Variants in ARAP2 observed in about 807,000 individuals in gnomAD.
The protein encoded by ARAP2 is arf-GAP with Rho-GAP domain, ANK repeat and PH domain-containing protein 2.
A neutral mutation model predicts 194.5 loss-of-function variants in ARAP2; 148 were observed. The ratio of observed to expected loss-of-function variants is 0.76; its 90% CI spans 0.67 to 0.87. ARAP2 has a LOEUF of 0.87. Among genes scored for constraint, ARAP2 ranks in the 40% least tolerant of loss-of-function variants. ARAP2 has a pLI of 0.00. For missense variants in ARAP2, 2,128 were observed against 1,989.7 expected, an observed-to-expected ratio of 1.07 and a Z score of -1.32; for synonymous variants, 695 against 683.5, an observed-to-expected ratio of 1.02 and a Z score of -0.26.
At position 36,141,264 on chromosome 4, in the gene ARAP2, G is replaced by A. The variant is rs58473101; in HGVS notation, c.3263+6032C>T. 4.2e-4 allele frequency among the ~76,000 whole-genome samples: 64 copies of A among 151,460 alleles called. No homozygotes were observed. In the South Asian group the frequency reaches 0.013, roughly 31 times the overall value. The stretch of plus-strand genomic sequence containing the variant: ...TTTTTATTTGCACAAACAGTACTAA[G>A]GTCTAAAAGAAAAGCACAGGATCTA... On this transcript the variant is annotated intron_variant, in intron 19 of 32. Coordinates refer to ENST00000303965, the MANE Select transcript of ARAP2 (RefSeq NM_015230.4).
At chr4:36,032,188 T>G (rs1214968600) in intron 5 of ARAP2, among the ~76,000 whole-genome samples, 1 of 152,154 alleles carries the variant, frequency 6.6e-6, no homozygotes, top group Non-Finnish European at 1.5e-5. Context: ...GGCTAGGGGA[T>G]AGTTACTAAA....
At chr4:36,123,458 C>A (rs1048142977) in intron 22 of ARAP2, among the ~76,000 whole-genome samples, 2 of 151,708 alleles carry the variant, frequency 1.3e-5, no homozygotes, top group East Asian at 3.9e-4. Context: ...GTACTTTTCA[C>A]CTCTCTTGTC....
rs183534670 is a variant in ARAP2, at chr4:36,226,511, C to A, written c.905+2071G>T. ...TGTTAAAAAAACGTATCTTTTAAGC[C>A]CCCCCCCACATAATTTAGTTGGTTT... On this transcript the variant is annotated intron_variant, in intron 2 of 32. Coordinates refer to ENST00000303965, the MANE Select transcript of ARAP2 (RefSeq NM_015230.4). 1.0e-4 allele frequency among the ~76,000 whole-genome samples: 15 copies of A among 150,474 alleles called. No homozygotes were observed. In the South Asian group the frequency reaches 1.3e-3, roughly 13 times the overall value.
chr4:36,237,376 T>G (rs1752644268), intron 1 of ARAP2, among the ~76,000 whole-genome samples: 1 of 152,224 alleles, frequency 6.6e-6, no homozygotes, highest in South Asian at 2.1e-4. Context: ...TTTGGATGTT[T>G]TGTCCCCTCC....
At chr4:36,226,514 C>T (rs538844831) in intron 2 of ARAP2, among the ~76,000 whole-genome samples, 1 of 151,818 alleles carries the variant, frequency 6.6e-6, no homozygotes, top group Non-Finnish European at 1.5e-5. Flanking sequence ...TTTAAGCCCC[C>T]CCCCACATAA....
At chr4:36,014,857 A>G (rs1715498036) in intron 8 of ARAP2, among the ~76,000 whole-genome samples, 1 of 152,116 alleles carries the variant, frequency 6.6e-6, no homozygotes, top group Non-Finnish European at 1.5e-5. Context: ...AGAGAGACTC[A>G]TCTCTCTCCC....
chr4:36,160,621 G>A lies in ARAP2; in HGVS notation c.2280C>T (p.Asn760=), dbSNP rs1733682161. ...CAGCCCAAAAGTCATTTGCTCTTTT[G>A]TTTCCAATGACAATAAAAAGCTGAA... ...ELIELFIVIG[N]KRANDFWAGN... is the part of the protein sequence containing the mutation. The change falls in exon 13 of 33, where the codon AAC becomes AAT. Residue 760 remains asparagine, a synonymous_variant. Coordinates refer to ENST00000303965, the MANE Select transcript of ARAP2 (RefSeq NM_015230.4). 1.4e-6 allele frequency: 2 copies of A among 1,459,514 alleles called. No homozygotes were observed. The highest frequency in any genetic ancestry group is 1.6e-5 in the South Asian group (1 of 62,964). The allele number at this position is 1,459,514 out of a possible 1,614,324, so 90.4% of individuals were successfully genotyped here.
At chr4:36,073,538 T>C (rs898968395) in intron 32 of ARAP2, 151 bp downstream of exon 32, 2 of 879,748 alleles carry the variant, frequency 2.3e-6, no homozygotes, top group East Asian at 2.7e-5. Flanking sequence ...ATTCATACTG[T>C]TTTCTTGCTG....
chr4:36,168,892 A>C (rs1735921678), intron 9 of ARAP2, among the ~76,000 whole-genome samples: 1 of 152,192 alleles, frequency 6.6e-6, no homozygotes, highest in Non-Finnish European at 1.5e-5. Context: ...GAAGGAAGAA[A>C]ATCAAGCTTT....
chr4:36,216,325 T>C (rs935559731), intron 2 of ARAP2, among the ~76,000 whole-genome samples: 6 of 152,212 alleles, frequency 3.9e-5, no homozygotes, highest in African/African-American at 1.4e-4. Context: ...GAATGTGTGA[T>C]ACCACCACAT....
At chr4:36,013,276 G>C (rs1714882466) in intron 8 of ARAP2, among the ~76,000 whole-genome samples, 1 of 152,158 alleles carries the variant, frequency 6.6e-6, no homozygotes, top group Non-Finnish European at 1.5e-5. Flanking sequence ...CTGTGTACAT[G>C]ACTGCCGTTT....
chr4:36,043,578 T>C (rs192565679), intron 5 of ARAP2, among the ~76,000 whole-genome samples: 68 of 152,058 alleles, frequency 4.5e-4, no homozygotes, highest in African/African-American at 1.5e-3. Context: ...AGTTTGAAGA[T>C]GAAGCAAATT....
At chr4:36,116,550 G>A (rs763344714) in intron 25 of ARAP2, among the ~76,000 whole-genome samples, 18 of 151,820 alleles carry the variant, frequency 1.2e-4, no homozygotes, top group Non-Finnish European at 1.8e-4. Context: ...AAATCAATTG[G>A]AAGACTGGAT....
chr4:36,198,716 A>T (rs1213551481), intron 6 of ARAP2, among the ~76,000 whole-genome samples: 1 of 152,144 alleles, frequency 6.6e-6, no homozygotes, highest in Non-Finnish European at 1.5e-5. Flanking sequence ...CTGAGATAGG[A>T]GCAGACACTG....
At chr4:36,192,533 G>A (rs907375589) in intron 7 of ARAP2, among the ~76,000 whole-genome samples, 5 of 152,162 alleles carry the variant, frequency 3.3e-5, no homozygotes, top group Non-Finnish European at 7.3e-5. Flanking sequence ...TCACTCCTGA[G>A]TAGTTTTCCT....
At chr4:36,063,829 T>C (rs1008813796), downstream of ARAP2, among the ~76,000 whole-genome samples, 9 of 152,192 alleles carry the variant, frequency 5.9e-5, no homozygotes, top group African/African-American at 2.2e-4. Flanking sequence ...TCATGCAAAT[T>C]TTGTTAAGAT....
At chr4:36,123,874 A>G (rs1397421) in intron 22 of ARAP2, among the ~76,000 whole-genome samples, 46,901 of 151,512 alleles carry the variant, frequency 0.31, 8,313 homozygotes, top group East Asian at 0.47. Flanking sequence ...TTCACGCCCA[A>G]TTCATATGTC....
intron 21 of ARAP2, among the ~76,000 whole-genome samples, chr4:36,125,879 C>T (rs375419465): frequency 2.0e-5 from 3 of 151,970 alleles, no homozygotes; most frequent in East Asian, 1.9e-4. Flanking sequence ...GGAAACAAGA[C>T]GATTTTATTT....
rs780423812 is a variant in ARAP2, at chr4:36,151,043, C to T, written c.2754G>A (p.Glu918=). 54 of 1,584,182 alleles carry T rather than the reference C, an allele frequency of 3.4e-5. No homozygotes were observed. In the Admixed American group the frequency reaches 1.0e-3, roughly 30 times the overall value. ...KLSSEKKLLE[E]TNKKWCVLEG... ...CCAAAACACACCATTTTTTATTTGT[C>T]TCTAAGAATTTGAAACAAAACAAAT... Residue 918 remains glutamate, a splice_region_variant and synonymous_variant, in exon 16 of 33, where the codon GAG becomes GAA. Transcript: ENST00000303965.
Sources: gnomAD v4.1 joint callset for allele counts (sites outside exome capture counted in the v4.1 genomes callset) on GRCh38, gnomAD v4.1.1 for gene constraint, MANE v1.5 for transcripts, NCBI Gene and HGNC (gene_info 2026-07-23, HGNC 2026-07-21) for gene names.